The following RUNX3 variants were observed in gnomAD, a reference collection of about 807,000 sequenced individuals.
The protein encoded by RUNX3 is runt-related transcription factor 3.
RUNX3 carries 10 observed loss-of-function variants against 27.7 expected under a neutral mutation model. The observed-to-expected ratio is 0.36, with a 90% CI of 0.22 to 0.61. The LOEUF (loss-of-function observed/expected upper bound fraction) is 0.61. RUNX3 is among the 20% of genes least tolerant of loss of function. The pLI, the probability that RUNX3 is intolerant of heterozygous loss-of-function variation, is 0.72. For synonymous variants in RUNX3, 270 were observed against 269.2 expected, an observed-to-expected ratio of 1.00 and a Z score of -0.03; for missense variants, 469 against 629.5, an observed-to-expected ratio of 0.75 and a Z score of 2.73.
chr1:24,949,654 T>C (rs1026502295), intron 2 of RUNX3, among the ~76,000 whole-genome samples: 12 of 152,376 alleles, frequency 7.9e-5, no homozygotes, highest in Middle Eastern at 6.8e-3. Flanking sequence ...GAGCTTTTCA[T>C]TCCCCGTGAT....
At position 24,907,333 on chromosome 1, in the gene RUNX3, G is replaced by T; in HGVS notation, c.629C>A (p.Pro210Gln). 1 of 1,613,582 alleles carries T rather than the reference G, an allele frequency of 6.2e-7. No individual in the cohort carries two copies. The highest frequency in any genetic ancestry group is 8.5e-7 in the Non-Finnish European group (1 of 1,180,016). Residue 210 changes from proline (P) to glutamine (Q), a missense_variant, in exon 4 of 5, where the codon CCG (proline) becomes CAG (glutamine). By Grantham distance (76) the Pro-to-Gln change is moderately conservative (BLOSUM62 -1). Transcript: ENST00000308873. ...TGAGCCTCGGGGGCTGGGTGTGCTC[G>T]GTGTCACCCGCATGCGCAGCCGTTC... Reference protein sequence around the residue: ...DLERLRMRVTPSTPSPRGSLS... With the variant: ...DLERLRMRVTQSTPSPRGSLS...
At chr1:24,907,530 G>A (rs964976247) in intron 3 of RUNX3, 113 bp from the exon 4 acceptor site, 1 of 1,115,012 alleles carries the variant, frequency 9.0e-7, no homozygotes, top group Admixed American at 2.7e-5. Context: ...GGCCTCTGCT[G>A]GGAGAACCCT....
At chr1:24,918,865 A>C (rs1361082795) in intron 3 of RUNX3, among the ~76,000 whole-genome samples, 1 of 152,136 alleles carries the variant, frequency 6.6e-6, no homozygotes, top group Non-Finnish European at 1.5e-5. Context: ...CCTGCCCTCC[A>C]TGCATCCCTC....
chr1:24,910,481 G>A (rs1640776172), intron 3 of RUNX3, among the ~76,000 whole-genome samples: 1 of 152,174 alleles, frequency 6.6e-6, no homozygotes, highest in Non-Finnish European at 1.5e-5. Context: ...GACTCGAAAA[G>A]TGGGAAAAGC....
At chr1:24,928,115 C>T (rs888133309) in intron 1 of RUNX3, among the ~76,000 whole-genome samples, 9 of 152,216 alleles carry the variant, frequency 5.9e-5, no homozygotes, top group African/African-American at 1.9e-4. Context: ...AACGAAGTCT[C>T]CAAATGAGAA....
chr1:24,961,094 C>A (rs1244420561), intron 2 of RUNX3, among the ~76,000 whole-genome samples: 1 of 152,146 alleles, frequency 6.6e-6, no homozygotes, highest in African/African-American at 2.4e-5. Flanking sequence ...TTTCCCACAC[C>A]CCTTCTCTCC....
At chr1:24,909,665 C>G (rs1640759542) in intron 3 of RUNX3, among the ~76,000 whole-genome samples, 1 of 152,240 alleles carries the variant, frequency 6.6e-6, no homozygotes, top group African/African-American at 2.4e-5. Flanking sequence ...CATTTCAGTC[C>G]TTCTCAAGCT....
intron 3 of RUNX3, among the ~76,000 whole-genome samples, chr1:24,917,475 A>T (rs1173232721): frequency 3.3e-5 from 5 of 152,152 alleles, no homozygotes; most frequent in Admixed American, 3.3e-4. Context: ...TGCTACGGCC[A>T]CGTGCTGTCC....
At chr1:24,939,162 G>A (rs1201946084) in intron 2 of RUNX3, among the ~76,000 whole-genome samples, 1 of 152,124 alleles carries the variant, frequency 6.6e-6, no homozygotes, top group Non-Finnish European at 1.5e-5. Flanking sequence ...GGCTAGGATG[G>A]GAAAAGTCTC....
chr1:24,919,526 A>G, intron 2 of RUNX3, 182 bp from the exon 3 acceptor site: 2 of 505,916 alleles, frequency 4.0e-6, no homozygotes, highest in Non-Finnish European at 7.0e-6. Flanking sequence ...TTGGCATTCA[A>G]GGCCCCTGGG....
At chr1:24,928,494 A>G (rs997957156) in intron 1 of RUNX3, among the ~76,000 whole-genome samples, 13 of 152,180 alleles carry the variant, frequency 8.5e-5, no homozygotes, top group African/African-American at 2.9e-4. Flanking sequence ...AGTCACAACT[A>G]TTTAAACGTG....
At chr1:24,958,031 G>C (rs1222888669) in intron 2 of RUNX3, among the ~76,000 whole-genome samples, 1 of 152,232 alleles carries the variant, frequency 6.6e-6, no homozygotes, top group Non-Finnish European at 1.5e-5. Context: ...TGGCGCTGGA[G>C]AAAGAGCAGG....
rs1428399174 is a variant in RUNX3 at position 24,929,754 on chromosome 1, G to T, written c.115C>A (p.Gln39Lys). The T allele has an allele frequency of 2.7e-6, 4 of 1,464,846 alleles. No homozygotes were observed. The East Asian group carries it at 8.6e-5, about 32-fold the overall frequency. 90.7% of individuals were successfully genotyped at this position (1,464,846 alleles called of 1,614,324 possible). A position where few individuals can be genotyped will look rare whatever the true frequency, so the allele number is the denominator to read the frequency against. Residue 39 changes from glutamine (Q) to lysine (K), a missense_variant, in exon 1 of 5, where the codon CAG becomes AAG. This residue lies in a region of RUNX3 where 115 missense variants were observed against 118.0 expected (regional missense o/e 0.97). Coordinates refer to ENST00000308873, the MANE Select transcript of RUNX3 (RefSeq NM_004350.3). ...MGENSGALSA[Q>K]AAVGPGGRAR... is the part of the protein sequence containing the mutation. Reference sequence around the variant, plus strand: ...CGCCCTCCGGGCCCCACGGCCGCCTGCGCGCTCAGCGCGCCGCTGTTCTCG... The same window carrying T: ...CGCCCTCCGGGCCCCACGGCCGCCTTCGCGCTCAGCGCGCCGCTGTTCTCG...
Position 24,901,780 on chromosome 1 carries a change from G to A in RUNX3, c.*342C>T. The A allele has an allele frequency of 3.6e-6, 1 of 281,654 alleles. No homozygotes were observed. The highest frequency in any genetic ancestry group is 6.7e-6 in the Non-Finnish European group (1 of 149,228). 17.4% of individuals were successfully genotyped at this position (281,654 alleles called of 1,614,324 possible). On this transcript the variant is annotated 3_prime_UTR_variant, in exon 5 of 5. Transcript: ENST00000308873. ...GGAAGAGAGATGGCCTCTGTCCCAG[G>A]AGACATGGGTCCCATGCAGCACTGG...
rs753532923 is a variant in RUNX3 at position 24,927,714 on chromosome 1, T to C, written c.299A>G (p.Asp100Gly). 1 of 1,613,034 alleles carries C rather than the reference T, an allele frequency of 6.2e-7. No individual in the cohort carries two copies. The highest frequency in any genetic ancestry group is 8.5e-7 in the Non-Finnish European group (1 of 1,179,744). ...AGTCACCACCGTACCATCCGGCACG[T>C]CCCCCAATGCCACCACCTGAAGACA... ...PVAFKVVALGDVPDGTVVTVM... is the reference protein window; with the variant it reads ...PVAFKVVALGGVPDGTVVTVM... The change falls in exon 2 of 5, where the codon GAC (aspartate) becomes GGC (glycine). Residue 100 changes from aspartate (D) to glycine (G), a missense_variant. Asp to Gly is a moderately conservative substitution (Grantham distance 94). Around this residue, in one of 3 missense-constraint regions of RUNX3, gnomAD observed 75 missense variants for 168.5 expected, o/e 0.45. Coordinates refer to ENST00000308873, the MANE Select transcript of RUNX3 (RefSeq NM_004350.3). The surrounding 1 kb of genome is among the most constrained non-coding windows in gnomAD (Gnocchi z 5.0).
At chr1:24,929,451 C>T (rs756159791) in intron 1 of RUNX3, 136 bp downstream of exon 1, 4 of 900,862 alleles carry the variant, frequency 4.4e-6, no homozygotes, top group East Asian at 5.3e-5. Context: ...CGCAGCCAGA[C>T]TGAACCGGGT....
chr1:24,909,765 G>GAA (rs796747246), intron 3 of RUNX3, among the ~76,000 whole-genome samples: 4 of 152,344 alleles, frequency 2.6e-5, no homozygotes, highest in African/African-American at 9.6e-5. Context: ...CTGACCCGAG[G>GAA]AAAGGACGGC....
At chr1:24,924,859 G>C (rs1641069655) in intron 2 of RUNX3, among the ~76,000 whole-genome samples, 1 of 152,172 alleles carries the variant, frequency 6.6e-6, no homozygotes, top group Non-Finnish European at 1.5e-5. Flanking sequence ...AGGGACCTCA[G>C]CCCTAATCAC....
chr1:24,953,510 A>G (rs1641831817), intron 2 of RUNX3, among the ~76,000 whole-genome samples: 1 of 152,130 alleles, frequency 6.6e-6, no homozygotes, highest in South Asian at 2.1e-4. Flanking sequence ...GAAATAAGAT[A>G]AAAAATTCAG....
Sources: allele counts gnomAD v4.1 joint callset (sites outside exome capture counted in the v4.1 genomes callset), GRCh38; gene constraint gnomAD v4.1.1; regional missense constraint gnomAD v4.1.1; non-coding constraint Gnocchi (gnomAD v3.1); transcripts MANE v1.5; gene names NCBI Gene and HGNC (gene_info 2026-07-23, HGNC 2026-07-21).